RNLS: variants seen among roughly 807,000 people sequenced by gnomAD.
The protein encoded by RNLS is renalase, FAD dependent amine oxidase, also known as renalase.
Under a neutral mutation model 39.8 loss-of-function variants are expected in RNLS, and 39 were observed. The ratio of observed to expected loss-of-function variants is 0.98; its 90% CI spans 0.76 to 1.28. RNLS has a LOEUF of 1.28. Among genes scored for constraint, RNLS ranks in the 50% most tolerant of loss-of-function variants. The probability of loss-of-function intolerance (pLI) is 0.00; values close to 1 mark genes in which losing one functional copy is unlikely to be tolerated. For synonymous variants in RNLS, 147 were observed against 150.7 expected (o/e 0.98, Z 0.18); for missense variants, 410 against 413.3 (o/e 0.99, Z 0.07).
At chr10:88,513,853 T>C (rs556945070) in intron 4 of RNLS, among the ~76,000 whole-genome samples, 6 of 152,290 alleles carry the variant, frequency 3.9e-5, no homozygotes, top group Admixed American at 1.3e-4. Context: ...CTTTATAACA[T>C]ACTATCATCA....
chr10:88,210,299 G>C, the RNLS span, among the ~76,000 whole-genome samples: 1 of 152,198 alleles, frequency 6.6e-6, no homozygotes, highest in Non-Finnish European at 1.5e-5. Flanking sequence ...AGCCAGCACA[G>C]TGATCCCTAC....
the RNLS span, among the ~76,000 whole-genome samples, chr10:88,187,198 T>A: frequency 0.38 from 4,888 of 12,966 alleles, 681 homozygotes; most frequent in Non-Finnish European, 0.44. Flanking sequence ...ATATATATAA[T>A]ATATATATAA....
At chr10:88,384,937 C>T (rs1472196190) in intron 4 of RNLS, among the ~76,000 whole-genome samples, 2 of 152,248 alleles carry the variant, frequency 1.3e-5, no homozygotes, top group African/African-American at 2.4e-5. Context: ...TTACACCTAG[C>T]TTTGCCTCCT....
intron 6 of RNLS, chr10:88,275,153 A>G: frequency 1.3e-6 from 1 of 745,162 alleles, no homozygotes. Flanking sequence ...TGGAATGGGG[A>G]GGGTTCTGGC....
chr10:88,473,228 G>A (rs1385322025), intron 4 of RNLS, among the ~76,000 whole-genome samples: 2 of 152,134 alleles, frequency 1.3e-5, no homozygotes, highest in Non-Finnish European at 2.9e-5. Context: ...GTGATCTGGT[G>A]TTGACTGAAA....
the RNLS span, among the ~76,000 whole-genome samples, chr10:88,206,055 A>C: frequency 6.6e-6 from 1 of 152,208 alleles, no homozygotes; most frequent in Non-Finnish European, 1.5e-5. Flanking sequence ...CTGGGGCTCA[A>C]TAATTAACCT....
intron 5 of RNLS, among the ~76,000 whole-genome samples, chr10:88,340,843 C>T (rs934379349): frequency 1.3e-5 from 2 of 151,316 alleles, no homozygotes; most frequent in African/African-American, 4.9e-5. Context: ...GGGCAGATCA[C>T]GAGGTCAGGA....
exon 7 of RNLS, chr10:88,274,046 TAAAC>T (rs1273884077): frequency 3.9e-5 from 6 of 152,212 alleles, no homozygotes; most frequent in Non-Finnish European, 7.3e-5. Flanking sequence ...GCATTTCCCT[TAAAC>T]AGGATGTTAA....
chr10:88,505,681 T>C (rs1845752373), intron 4 of RNLS, among the ~76,000 whole-genome samples: 1 of 152,142 alleles, frequency 6.6e-6, no homozygotes, highest in Non-Finnish European at 1.5e-5. Flanking sequence ...CCCTTAAAGA[T>C]TATTTATTAA....
In RNLS at chr10:88,292,922, G is replaced by A. The variant is rs569566113; in HGVS notation, c.877-7416C>T. 7.2e-5 allele frequency among the ~76,000 whole-genome samples: 11 copies of A among 152,034 alleles called. 1 individual carries two copies. The East Asian group carries it at 7.8e-4, about 11-fold the overall frequency. On this transcript the variant is annotated intron_variant, in intron 6 of 6. Coordinates refer to ENST00000331772, the MANE Select transcript of RNLS (RefSeq NM_001031709.3). ...AAAAATTAGCTGGGCGTGGTGGCAC[G>A]TGCCTGTAATCCCAGCTACTTGGGA...
intron 6 of RNLS, among the ~76,000 whole-genome samples, chr10:88,278,810 C>T (rs1422069623): frequency 1.3e-5 from 2 of 152,094 alleles, no homozygotes; most frequent in African/African-American, 4.8e-5. Flanking sequence ...GTAATTATTG[C>T]CTCTGTTAAG....
intron 4 of RNLS, among the ~76,000 whole-genome samples, chr10:88,372,987 G>A (rs1850685257): frequency 6.6e-6 from 1 of 152,008 alleles, no homozygotes; most frequent in African/African-American, 2.4e-5. Flanking sequence ...AAAACATTGT[G>A]TGTGCTATTA....
At chr10:88,297,000 T>A (rs542883991) in intron 6 of RNLS, among the ~76,000 whole-genome samples, 3 of 152,290 alleles carry the variant, frequency 2.0e-5, no homozygotes, top group Non-Finnish European at 4.4e-5. Flanking sequence ...TATTACTGAG[T>A]AGTTTTTCAT....
At chr10:88,257,595 C>T in the RNLS span, among the ~76,000 whole-genome samples, 8 of 152,080 alleles carry the variant, frequency 5.3e-5, no homozygotes, top group Non-Finnish European at 8.8e-5. Flanking sequence ...GCCGATGAAT[C>T]CCTAGAGCCT....
intron 4 of RNLS, among the ~76,000 whole-genome samples, chr10:88,478,533 TC>T (rs1448206496): frequency 6.6e-6 from 1 of 152,118 alleles, no homozygotes; most frequent in African/African-American, 2.4e-5. Context: ...CCCTACCTTA[TC>T]CCACATATAC....
the RNLS span, among the ~76,000 whole-genome samples, chr10:88,240,246 G>A: frequency 2.6e-5 from 4 of 151,916 alleles, no homozygotes; most frequent in East Asian, 1.9e-4. Flanking sequence ...TTATCTATCC[G>A]TATACTGAGT....
intron 4 of RNLS, among the ~76,000 whole-genome samples, chr10:88,513,831 G>C (rs1364968871): frequency 6.6e-6 from 1 of 152,034 alleles, no homozygotes; most frequent in Non-Finnish European, 1.5e-5. Flanking sequence ...GTGAGTGCCT[G>C]TTTTTCTTTG....
the RNLS span, among the ~76,000 whole-genome samples, chr10:88,195,860 A>T: frequency 6.6e-6 from 1 of 152,218 alleles, no homozygotes; most frequent in Non-Finnish European, 1.5e-5. Flanking sequence ...ATGTAAATAC[A>T]GCTCTATCCA....
At chr10:88,519,812 C>G (rs969626237) in intron 4 of RNLS, among the ~76,000 whole-genome samples, 1 of 150,578 alleles carries the variant, frequency 6.6e-6, no homozygotes, top group South Asian at 2.1e-4. Context: ...TCCCCCATAT[C>G]CATGATGTCT....
Sources: allele counts gnomAD v4.1 joint callset (sites outside exome capture counted in the v4.1 genomes callset), GRCh38; gene constraint gnomAD v4.1.1; transcripts MANE v1.5; gene names NCBI Gene and HGNC (gene_info 2026-07-23, HGNC 2026-07-21).